DSCC1: variants seen among roughly 807,000 people sequenced by gnomAD.
The protein encoded by DSCC1 is DNA replication and sister chromatid cohesion 1, also known as sister chromatid cohesion protein DCC1.
In DSCC1, 32 loss-of-function variants were observed where a neutral mutation model predicts 48.2. The observed-to-expected ratio is 0.66, with a 90% CI of 0.50 to 0.89. The LOEUF is 0.89. DSCC1 is among the 40% of genes least tolerant of loss of function. DSCC1 has a pLI of 0.00. For missense variants in DSCC1, 421 were observed against 471.7 expected (o/e 0.89, Z 1.00); for synonymous variants, 150 against 171.5 (o/e 0.87, Z 0.98).
chr8:119,841,721 C>A, intron 7 of DSCC1, 73 bp downstream of exon 7: 1 of 1,537,236 alleles, frequency 6.5e-7, no homozygotes, highest in Non-Finnish European at 8.8e-7. Flanking sequence ...CCAAATTCAG[C>A]TCCAACTCAA....
chr8:119,839,429 T>C (rs1035686343), intron 7 of DSCC1: 2 of 152,232 alleles, frequency 1.3e-5, no homozygotes, highest in African/African-American at 4.8e-5. Context: ...AAAGTCTATA[T>C]AATAGGTGTT....
In DSCC1 at chr8:119,843,493, C is replaced by T. The variant is rs1331927922; in HGVS notation, c.716+116G>A. 4 of 1,390,170 alleles carry T rather than the reference C, an allele frequency of 2.9e-6. No homozygotes were observed. The Admixed American group carries it at 9.7e-5, about 34-fold the overall frequency. 86.1% of individuals were successfully genotyped at this position (1,390,170 alleles called of 1,614,324 possible). A position where few individuals can be genotyped will look rare whatever the true frequency, so the allele number is the denominator to read the frequency against. ...TCTTCGGTTGTAATTGTAAACATTT[C>T]TCAAAGATATCAAAATACAATGATT... On this transcript the variant is annotated intron_variant, in intron 5 of 8. Transcript: ENST00000313655.
At position 119,842,254 on chromosome 8, in the gene DSCC1, A is replaced by G. The variant is rs187917459; in HGVS notation, c.770-306T>C. Among the ~76,000 whole-genome samples the G allele has an allele frequency of 3.0e-3, 449 of 151,928 alleles. 2 individuals are homozygous for G. Among genetic ancestry groups the G allele is most frequent in the African/African-American group, 0.01 (424 of 41,414 alleles). On this transcript the variant is annotated intron_variant, in intron 6 of 8. Coordinates refer to ENST00000313655, the MANE Select transcript of DSCC1 (RefSeq NM_024094.3). ...ACGCCTGGCTAATTTTTTTATTTTT[A>G]GTAGAGATGGGGTTTCACCATGTTG...
At chr8:119,838,444 A>G in intron 7 of DSCC1, 37 bp from the exon 8 acceptor site, 1 of 1,517,378 alleles carries the variant, frequency 6.6e-7, no homozygotes, top group Non-Finnish European at 8.8e-7. Context: ...AGTTAAAGTA[A>G]TGTTGTAATG....
chr8:119,846,270 C>T (rs545335081), intron 4 of DSCC1, among the ~76,000 whole-genome samples: 30 of 152,150 alleles, frequency 2.0e-4, no homozygotes, highest in Middle Eastern at 3.4e-3. Flanking sequence ...CCCACCACCA[C>T]GCCTGGTTGA....
intron 3 of DSCC1, among the ~76,000 whole-genome samples, chr8:119,847,433 C>G (rs1826873358): frequency 6.6e-6 from 1 of 152,142 alleles, no homozygotes; most frequent in South Asian, 2.1e-4. Flanking sequence ...TTCCACTTAT[C>G]TGAGGTATTA....
At chr8:119,850,882 CAAAA>C (rs933222475) in intron 2 of DSCC1, among the ~76,000 whole-genome samples, 4 of 151,780 alleles carry the variant, frequency 2.6e-5, no homozygotes, top group South Asian at 2.1e-4. Context: ...AACAAACAAA[CAAAA>C]AAACAAAACA....
In DSCC1 at chr8:119,843,713, C is replaced by G. The variant is rs1826809056; in HGVS notation, c.612G>C (p.Met204Ile). Residue 204 changes from methionine (M) to isoleucine (I), a missense_variant, in exon 5 of 9, where the codon ATG becomes ATC. Met to Ile is a conservative substitution (Grantham distance 10). Transcript: ENST00000313655. ...GCTGAGTTACATGATTCAGAAGTTT[C>G]ATCTCATAATCAAATTCAAGAATCC... ...YWRILEFDYE[M>I]KLLNHVTQLV... The G allele has an allele frequency of 6.2e-7, 1 of 1,612,188 alleles. No homozygotes were observed. Among genetic ancestry groups the G allele is most frequent in the Non-Finnish European group, 8.5e-7 (1 of 1,179,604 alleles).
In DSCC1 at chr8:119,841,897, C is replaced by T. The variant is rs1826775566; in HGVS notation, c.821G>A (p.Arg274Gln). 4 of 1,614,140 alleles carry T rather than the reference C, an allele frequency of 2.5e-6. No individual in the cohort carries two copies. The highest frequency in any genetic ancestry group is 3.4e-6 in the Non-Finnish European group (4 of 1,180,022). The change falls in exon 7 of 9, where the codon CGA (arginine) becomes CAA (glutamine). Residue 274 changes from arginine (R) to glutamine (Q), a missense_variant. Arg to Gln is a conservative substitution (Grantham distance 43). Coordinates refer to ENST00000313655, the MANE Select transcript of DSCC1 (RefSeq NM_024094.3). The stretch of plus-strand genomic sequence containing the variant: ...TTTCACCGCATTCTGAAGTAGCATT[C>T]GTGCTGCTGCTCTACATATTTTATC... ...DADKICRAAA[R>Q]MLLQNAVKFN...
Position 119,841,885 on chromosome 8 carries a change from T to C in DSCC1, c.833A>G (p.Gln278Arg), listed in dbSNP as rs2131297947. ...ICRAAARMLL[Q>R]NAVKFNLAEF... ...AGCGAGATTGAATTTCACCGCATTC[T>C]GAAGTAGCATTCGTGCTGCTGCTCT... is the stretch of plus-strand genomic sequence containing the variant. The change falls in exon 7 of 9, where the codon CAG becomes CGG. Residue 278 changes from glutamine to arginine, a missense_variant. Coordinates refer to ENST00000313655, the MANE Select transcript of DSCC1 (RefSeq NM_024094.3). The C allele has an allele frequency of 6.2e-7, 1 of 1,614,186 alleles. No homozygotes were observed.
At chr8:119,846,117 T>C (rs944896186) in intron 4 of DSCC1, among the ~76,000 whole-genome samples, 3 of 149,112 alleles carry the variant, frequency 2.0e-5, no homozygotes, top group African/African-American at 7.4e-5. Context: ...TAAGGACTTT[T>C]TTTTTTTTTT....
At chr8:119,845,731 C>T in intron 4 of DSCC1, among the ~76,000 whole-genome samples, 1 of 151,956 alleles carries the variant, frequency 6.6e-6, no homozygotes, top group East Asian at 1.9e-4. Context: ...GGAGGATCAC[C>T]TGAGCTGAGA....
rs1488337977 is a variant in DSCC1, at chr8:119,834,991, C to T, written c.1084G>A (p.Gly362Arg). Residue 362 changes from glycine to arginine, a missense_variant, in exon 9 of 9, where the codon GGA (glycine) becomes AGA (arginine). By Grantham distance (125) the Gly-to-Arg change is moderately radical (BLOSUM62 -2). Coordinates refer to ENST00000313655, the MANE Select transcript of DSCC1 (RefSeq NM_024094.3). ...AATGCACCTATGGTTTGCTTCTCTCCACACAAATCTCTGTAGGAACAATAA... is the reference window on the plus strand; with the variant it reads ...AATGCACCTATGGTTTGCTTCTCTCTACACAAATCTCTGTAGGAACAATAA... ...DIAPYIQDLC[G>R]EKQTIGALLT... is the part of the protein sequence containing the mutation. 2.5e-6 allele frequency: 4 copies of T among 1,589,752 alleles called. No homozygotes were observed. The highest frequency in any genetic ancestry group is 3.4e-6 in the Non-Finnish European group (4 of 1,164,374).
chr8:119,847,696 G>A (rs1356785842), intron 3 of DSCC1, among the ~76,000 whole-genome samples: 4 of 138,490 alleles, frequency 2.9e-5, no homozygotes, highest in Admixed American at 7.7e-5. Context: ...ACGGAGTTTC[G>A]CTCTTGTTGC....
In DSCC1 at chr8:119,843,809, C is replaced by T. The variant is rs981669038; in HGVS notation, c.578-62G>A. On this transcript the variant is annotated intron_variant, in intron 4 of 8. Coordinates refer to ENST00000313655, the MANE Select transcript of DSCC1 (RefSeq NM_024094.3). The stretch of plus-strand genomic sequence containing the variant: ...TTTTTTTTTTAAGGCAGGGTCTCAA[C>T]TCTGTCACCCAAGCTGGAGTTCAGT... The T allele has an allele frequency of 8.5e-6, 13 of 1,521,424 alleles. No homozygotes were observed. The Admixed American group carries it at 2.5e-4, about 29-fold the overall frequency. 94.2% of individuals were successfully genotyped at this position (1,521,424 alleles called of 1,614,324 possible). A position where few individuals can be genotyped will look rare whatever the true frequency, so the allele number is the denominator to read the frequency against.
intron 5 of DSCC1, 84 bp downstream of exon 5, chr8:119,843,525 T>C (rs1321310381): frequency 6.8e-7 from 1 of 1,477,622 alleles, no homozygotes; most frequent in Non-Finnish European, 9.1e-7. Flanking sequence ...GATTGTAGTT[T>C]ATGCCCTGGG....
chr8:119,850,094 A>G (rs915555626), intron 3 of DSCC1, among the ~76,000 whole-genome samples: 5 of 152,304 alleles, frequency 3.3e-5, no homozygotes, highest in African/African-American at 1.2e-4. Flanking sequence ...GCATTATGAT[A>G]TATAGGATCT....
intron 8 of DSCC1, 69 bp downstream of exon 8, chr8:119,838,190 A>G: frequency 2.8e-6 from 4 of 1,453,104 alleles, no homozygotes; most frequent in Non-Finnish European, 3.6e-6. Flanking sequence ...CCAATCATAA[A>G]TCTAAAATGC....
intron 4 of DSCC1, among the ~76,000 whole-genome samples, chr8:119,845,632 G>A (rs1449125973): frequency 6.8e-6 from 1 of 148,058 alleles, no homozygotes; most frequent in Non-Finnish European, 1.5e-5. Context: ...AAAATGCATG[G>A]TTTCATTTGC....
Sources: allele counts gnomAD v4.1 joint callset (sites outside exome capture counted in the v4.1 genomes callset), GRCh38; gene constraint gnomAD v4.1.1; transcripts MANE v1.5; gene names NCBI Gene and HGNC (gene_info 2026-07-23, HGNC 2026-07-21).